The following ZNF177 variants were observed in gnomAD, a reference collection of about 807,000 sequenced individuals.
ZNF177 encodes zinc finger protein 177.
Under a neutral mutation model 19.4 loss-of-function variants are expected in ZNF177, and 17 were observed. The observed-to-expected ratio is 0.87, with a 90% confidence interval of 0.60 to 1.31. ZNF177 has a LOEUF of 1.31. Ranked by LOEUF, ZNF177 falls within the 40% of genes most tolerant of loss-of-function variation. ZNF177 has a pLI of 0.00. For missense variants in ZNF177, 633 were observed against 561.8 expected, an observed-to-expected ratio of 1.13 and a Z score of -1.28; for synonymous variants, 220 against 188.7, an observed-to-expected ratio of 1.17 and a Z score of -1.36.
At chr19:9,377,738 C>G (rs1305626872) in intron 1 of ZNF177, among the ~76,000 whole-genome samples, 1 of 152,116 alleles carries the variant, frequency 6.6e-6, no homozygotes, top group Non-Finnish European at 1.5e-5. Context: ...TCTGGAATGT[C>G]ACCCTTTTAT....
chr19:9,380,298 T>C (rs932023540), intron 5 of ZNF177, among the ~76,000 whole-genome samples, 159 bp downstream of exon 7: 8 of 152,136 alleles, frequency 5.3e-5, no homozygotes, highest in African/African-American at 1.9e-4. Context: ...TTCATGAAAT[T>C]GGAGAAATCT....
chr19:9,380,773 T>A, exon 6 of ZNF177: 1 of 1,536,124 alleles, frequency 6.5e-7, no homozygotes, highest in Non-Finnish European at 8.7e-7. Context: ...AGAGAAATGC[T>A]ATAAATATAT....
upstream of ZNF177, among the ~76,000 whole-genome samples, chr19:9,373,908 T>A (rs554845704): frequency 6.6e-6 from 1 of 152,306 alleles, no homozygotes; most frequent in South Asian, 2.1e-4. Flanking sequence ...CAGAAACTTT[T>A]TAGTTTGATG....
downstream of ZNF177, chr19:9,382,199 T>C (rs2068213707): frequency 2.5e-6 from 1 of 405,392 alleles, no homozygotes; most frequent in Admixed American, 4.0e-5. Context: ...AAGCTGGCAA[T>C]GTGGACAGTT....
upstream of ZNF177, among the ~76,000 whole-genome samples, chr19:9,375,958 TC>T (rs2068104057): frequency 6.6e-6 from 1 of 152,214 alleles, no homozygotes; most frequent in African/African-American, 2.4e-5. Context: ...ATAAGATCTT[TC>T]CTACTCACCC....
intron 2 of ZNF177, 165 bp downstream of exon 4, chr19:9,378,509 G>C (rs2068143455): frequency 4.5e-6 from 5 of 1,107,946 alleles, no homozygotes; most frequent in South Asian, 1.7e-5. Context: ...AAAGGCTTCT[G>C]TTCCCACATT....
chr19:9,370,953 A>C (rs962698890), intron 2 of ZNF177, among the ~76,000 whole-genome samples: 2 of 152,192 alleles, frequency 1.3e-5, no homozygotes, highest in African/African-American at 4.8e-5. Flanking sequence ...TGTCCAATAC[A>C]GTAGCCACTA....
chr19:9,369,479 T>C (rs1294167881), intron 2 of ZNF177, among the ~76,000 whole-genome samples: 1 of 151,874 alleles, frequency 6.6e-6, no homozygotes. Flanking sequence ...TCAATTTTTA[T>C]GTGTTGTTGT....
upstream of ZNF177, among the ~76,000 whole-genome samples, chr19:9,375,046 CAG>C (rs2068092812): frequency 6.6e-6 from 1 of 151,984 alleles, no homozygotes; most frequent in Non-Finnish European, 1.5e-5. Flanking sequence ...GTTTTTATCA[CAG>C]AAGAATGCTG....
At chr19:9,376,662 TACAA>T (rs1485752445) in intron 1 of ZNF177, among the ~76,000 whole-genome samples, 2 of 152,224 alleles carry the variant, frequency 1.3e-5, no homozygotes, top group Non-Finnish European at 2.9e-5. Flanking sequence ...TTTGATTGCA[TACAA>T]ACAATTTATA....
chr19:9,380,786 AG>A lies in ZNF177; in HGVS notation c.456del (p.Lys152AsnfsTer16), dbSNP rs2068185134. ...GGAGAGAAATGCTATAAATATATAA[AG>A]TATAGCAAAGTCTTCAACCATCCCT... On this transcript the variant is annotated frameshift_variant, in exon 6 of 6. Transcript: ENST00000589262. LOFTEE classifies it low-confidence loss of function (END_TRUNC). 6.5e-7 allele frequency: 1 copy of A among 1,536,022 alleles called. No individual in the cohort carries two copies. The highest frequency in any genetic ancestry group is 8.7e-7 in the Non-Finnish European group (1 of 1,146,904).
At chr19:9,364,716 G>A (rs971765704) in intron 1 of ZNF177, 146 bp from the exon 2 acceptor site, 4 of 152,284 alleles carry the variant, frequency 2.6e-5, no homozygotes, top group Middle Eastern at 3.4e-3. Context: ...CTTGTACTTA[G>A]AATCCTAGGG....
At chr19:9,382,611 C>T (rs914513683), downstream of ZNF177, 3 of 386,980 alleles carry the variant, frequency 7.8e-6, no homozygotes, top group Non-Finnish European at 1.4e-5. Context: ...TTTTAGGAAT[C>T]GTTCAAGTAT....
At chr19:9,379,436 C>A (rs1599394366) in intron 3 of ZNF177, 91 bp from the exon 6 acceptor site, 2 of 1,460,908 alleles carry the variant, frequency 1.4e-6, no homozygotes, top group Non-Finnish European at 1.8e-6. Context: ...TTTTAATAAT[C>A]CTTTAGTTAA....
chr19:9,380,203 A>T, intron 5 of ZNF177, 64 bp downstream of exon 7: 2 of 1,520,776 alleles, frequency 1.3e-6, no homozygotes, highest in Non-Finnish European at 1.8e-6. Flanking sequence ...GAATGAGTTA[A>T]AACATCAGCA....
chr19:9,377,928 T>C (rs1435285867), intron 1 of ZNF177, among the ~76,000 whole-genome samples: 1 of 152,190 alleles, frequency 6.6e-6, no homozygotes. Context: ...TAGTCTATAC[T>C]AGACTCAGCT....
At chr19:9,371,524 G>A (rs1382676252), upstream of ZNF177, 2 of 152,066 alleles carry the variant, frequency 1.3e-5, no homozygotes, top group African/African-American at 4.8e-5. Flanking sequence ...TTTTTTCTCA[G>A]CATACTGAAG....
At chr19:9,380,763 A>G (rs773170190) in exon 6 of ZNF177, 1 of 1,536,124 alleles carries the variant, frequency 6.5e-7, no homozygotes, top group East Asian at 2.4e-5. Context: ...ATTGCAAGGG[A>G]GAGAAATGCT....
chr19:9,368,302 TACTC>T (rs980726188), intron 2 of ZNF177, among the ~76,000 whole-genome samples: 5 of 151,992 alleles, frequency 3.3e-5, no homozygotes, highest in African/African-American at 9.7e-5. Context: ...TTCACAGTGT[TACTC>T]AACCATCACC....
Sources: gnomAD v4.1 joint callset for allele counts (sites outside exome capture counted in the v4.1 genomes callset) on GRCh38, gnomAD v4.1.1 for gene constraint, MANE v1.5 for transcripts, NCBI Gene and HGNC (gene_info 2026-07-23, HGNC 2026-07-21) for gene names.